The following POU6F2 variants were observed in gnomAD, a reference collection of about 807,000 sequenced individuals.
POU6F2 encodes the protein POU domain, class 6, transcription factor 2.
POU6F2 carries 31 observed loss-of-function variants against 71.3 expected under a neutral mutation model. That is an observed-to-expected ratio of 0.43 (90% CI 0.33 to 0.59). The LOEUF is 0.59. Ranked by LOEUF, POU6F2 falls within the 20% of genes least tolerant of loss-of-function variation. The probability of loss-of-function intolerance (pLI) is 0.04; values close to 1 mark genes in which losing one functional copy is unlikely to be tolerated. For synonymous variants in POU6F2, 347 were observed against 355.7 expected, an observed-to-expected ratio of 0.98 and a Z score of 0.27; for missense variants, 783 against 856.8, an observed-to-expected ratio of 0.91 and a Z score of 1.07.
intron 2 of POU6F2, among the ~76,000 whole-genome samples, chr7:39,152,628 C>T (rs1398944123): frequency 6.6e-6 from 1 of 152,126 alleles, no homozygotes; most frequent in Non-Finnish European, 1.5e-5. Flanking sequence ...GTGGAAATCA[C>T]TCCCTAGGTC....
intron 2 of POU6F2, among the ~76,000 whole-genome samples, chr7:39,096,585 C>T (rs1301365615): frequency 1.3e-5 from 2 of 152,128 alleles, no homozygotes; most frequent in Non-Finnish European, 2.9e-5. Flanking sequence ...GGCCCACACT[C>T]GTTCTGATTC....
At chr7:39,449,347 T>C (rs777146488) in intron 7 of POU6F2, among the ~76,000 whole-genome samples, 4 of 152,190 alleles carry the variant, frequency 2.6e-5, no homozygotes, top group Non-Finnish European at 5.9e-5. Flanking sequence ...AAATAGCTCC[T>C]TAAGCACATT....
At chr7:39,139,318 G>C (rs1792450400) in intron 2 of POU6F2, among the ~76,000 whole-genome samples, 1 of 152,148 alleles carries the variant, frequency 6.6e-6, no homozygotes, top group Non-Finnish European at 1.5e-5. Flanking sequence ...AGCATCTAGG[G>C]AGACTGGGCT....
chr7:39,197,049 A>G (rs1014411978), intron 2 of POU6F2, among the ~76,000 whole-genome samples: 3 of 152,138 alleles, frequency 2.0e-5, no homozygotes, highest in Non-Finnish European at 4.4e-5. Context: ...GAATTTCTTT[A>G]GAATTTGTCT....
chr7:39,159,696 A>G (rs1481332363), intron 2 of POU6F2, among the ~76,000 whole-genome samples: 1 of 151,642 alleles, frequency 6.6e-6, no homozygotes, highest in African/African-American at 2.4e-5. Flanking sequence ...AAAGATGATA[A>G]TAGATAGTAA....
At chr7:39,356,982 C>A (rs1786274434) in intron 5 of POU6F2, among the ~76,000 whole-genome samples, 1 of 152,204 alleles carries the variant, frequency 6.6e-6, no homozygotes, top group Non-Finnish European at 1.5e-5. Context: ...CTTTTCCCTA[C>A]CATCTCAATA....
chr7:39,042,019 C>G (rs181057997), intron 1 of POU6F2, among the ~76,000 whole-genome samples: 18 of 152,028 alleles, frequency 1.2e-4, no homozygotes, highest in Admixed American at 1.1e-3. Flanking sequence ...TCCTATGACA[C>G]AGCCTCTTGT....
intron 6 of POU6F2, among the ~76,000 whole-genome samples, chr7:39,420,110 A>G (rs1249597604): frequency 6.6e-6 from 1 of 152,346 alleles, no homozygotes; most frequent in Admixed American, 6.5e-5. Flanking sequence ...CTAGATAACC[A>G]AAAGGAAGGA....
intron 2 of POU6F2, among the ~76,000 whole-genome samples, chr7:39,146,567 G>T (rs2128733025): frequency 6.6e-6 from 1 of 152,296 alleles, no homozygotes; most frequent in Non-Finnish European, 1.5e-5. Flanking sequence ...TTGATAGCTG[G>T]GATCGCAGTT....
At chr7:39,378,811 AT>A (rs555679537) in intron 5 of POU6F2, among the ~76,000 whole-genome samples, 129 of 152,358 alleles carry the variant, frequency 8.5e-4, no homozygotes, top group Non-Finnish European at 1.6e-3. Flanking sequence ...GAAATCAGCC[AT>A]TCTTGGCAAT....
chr7:39,239,893 T>A (rs1460957904), intron 4 of POU6F2, among the ~76,000 whole-genome samples: 2 of 152,082 alleles, frequency 1.3e-5, no homozygotes, highest in African/African-American at 4.8e-5. Context: ...TGTGGCTTCA[T>A]AAAGGGGGCA....
At chr7:39,321,182 G>A (rs139923379) in intron 4 of POU6F2, among the ~76,000 whole-genome samples, 3 of 152,120 alleles carry the variant, frequency 2.0e-5, no homozygotes, top group African/African-American at 7.2e-5. Context: ...CAGACCACAG[G>A]TTACTGAAAC....
chr7:39,177,652 A>G (rs925449608), intron 2 of POU6F2, among the ~76,000 whole-genome samples: 1 of 152,228 alleles, frequency 6.6e-6, no homozygotes, highest in Non-Finnish European at 1.5e-5. Context: ...ACTTGGCCTG[A>G]AAGGTCCTAT....
intron 2 of POU6F2, among the ~76,000 whole-genome samples, chr7:39,134,083 T>C (rs1792343136): frequency 6.6e-6 from 1 of 152,090 alleles, no homozygotes; most frequent in Admixed American, 6.5e-5. Context: ...TATATTGCTC[T>C]CAGGCTGGTT....
chr7:39,111,887 TC>T (rs1283302316), intron 2 of POU6F2, among the ~76,000 whole-genome samples: 1 of 152,104 alleles, frequency 6.6e-6, no homozygotes, highest in African/African-American at 2.4e-5. Flanking sequence ...CTGGACTTAT[TC>T]TGGGTGGTTT....
In POU6F2 at chr7:39,339,687, T is replaced by G; in HGVS notation, c.644T>G (p.Leu215Arg). 1 of 1,601,484 alleles carries G rather than the reference T, an allele frequency of 6.2e-7. No individual in the cohort carries two copies. The change falls in exon 5 of 10, where the codon CTC becomes CGC. Residue 215 changes from leucine (L) to arginine (R), a missense_variant. Coordinates refer to ENST00000518318, the MANE Select transcript of POU6F2 (RefSeq NM_001370959.1). ...CAGCTCCAGCAGCTCCAGCTCCAGCTCCAGCAGCAGCAGCAGCAGCAGCAG... is the reference window on the plus strand; with the variant it reads ...CAGCTCCAGCAGCTCCAGCTCCAGCGCCAGCAGCAGCAGCAGCAGCAGCAG... Reference protein sequence around the residue: ...NSQLQQLQLQLQQQQQQQQQQ... With the variant: ...NSQLQQLQLQRQQQQQQQQQQ...
chr7:39,034,013 G>A (rs1449264245), intron 1 of POU6F2, among the ~76,000 whole-genome samples: 1 of 152,102 alleles, frequency 6.6e-6, no homozygotes, highest in African/African-American at 2.4e-5. Context: ...TTCAGTGTGC[G>A]TAAATAACTT....
At chr7:39,131,422 G>T (rs1792276864) in intron 2 of POU6F2, among the ~76,000 whole-genome samples, 1 of 152,178 alleles carries the variant, frequency 6.6e-6, no homozygotes, top group African/African-American at 2.4e-5. Context: ...TGCTGTAACG[G>T]CTCACAAGGG....
At chr7:39,115,293 T>C (rs1359608267) in intron 2 of POU6F2, among the ~76,000 whole-genome samples, 1 of 152,192 alleles carries the variant, frequency 6.6e-6, no homozygotes, top group African/African-American at 2.4e-5. Flanking sequence ...TCCATTTTTT[T>C]TCACTCTCCC....
Sources: gnomAD v4.1 joint callset for allele counts (sites outside exome capture counted in the v4.1 genomes callset) on GRCh38, gnomAD v4.1.1 for gene constraint, MANE v1.5 for transcripts, NCBI Gene and HGNC (gene_info 2026-07-23, HGNC 2026-07-21) for gene names.